The following GABRG3 variants were observed in gnomAD, a reference collection of about 807,000 sequenced individuals.
The protein encoded by GABRG3 is gamma-aminobutyric acid receptor subunit gamma-3.
In GABRG3, 25 loss-of-function variants were observed where a neutral mutation model predicts 48.8. The ratio of observed to expected loss-of-function variants is 0.51; its 90% CI spans 0.37 to 0.72. The LOEUF (loss-of-function observed/expected upper bound fraction) is 0.72. Among genes scored for constraint, GABRG3 ranks in the 30% least tolerant of loss-of-function variants. GABRG3 has a pLI of 0.00. For missense variants in GABRG3, 394 were observed against 577.9 expected (o/e 0.68, Z 3.26); for synonymous variants, 227 against 217.6 (o/e 1.04, Z -0.38).
chr15:27,031,061 C>G (rs1405423085), intron 3 of GABRG3, among the ~76,000 whole-genome samples: 1 of 99,976 alleles, frequency 1.0e-5, no homozygotes, highest in Non-Finnish European at 2.1e-5. Context: ...TACACACACA[C>G]AGACACACAC....
At chr15:27,166,124 A>AGAC (rs2140407322) in intron 3 of GABRG3, among the ~76,000 whole-genome samples, 1 of 152,338 alleles carries the variant, frequency 6.6e-6, no homozygotes, top group Admixed American at 6.5e-5. Context: ...TAACAGGGAC[A>AGAC]GACACACCTT....
At chr15:27,149,807 C>T (rs1898277117) in intron 3 of GABRG3, among the ~76,000 whole-genome samples, 2 of 152,284 alleles carry the variant, frequency 1.3e-5, no homozygotes, top group South Asian at 4.1e-4. Context: ...AGTCTGGCTT[C>T]CCTCTAGGCT....
rs1428931335 is a variant in GABRG3 at position 27,027,086 on chromosome 15, C to T, written c.270+265C>T. ...TTATAGTGTTTCTTAGGAAAGGATT[C>T]GAGATCACTCAGATTATACTTTTGT... On this transcript the variant is annotated intron_variant, in intron 3 of 9. Transcript: ENST00000615808. 20 of 338,284 alleles carry T rather than the reference C, an allele frequency of 5.9e-5. No individual in the cohort carries two copies. In the South Asian group the frequency reaches 1.5e-3, roughly 25 times the overall value. 21.0% of individuals were successfully genotyped at this position (338,284 alleles called of 1,614,324 possible).
chr15:27,024,647 A>G (rs1895952547), intron 2 of GABRG3, among the ~76,000 whole-genome samples: 1 of 152,210 alleles, frequency 6.6e-6, no homozygotes. Flanking sequence ...ATAAACCTTC[A>G]GCTGCCTGTG....
intron 5 of GABRG3, among the ~76,000 whole-genome samples, chr15:27,386,957 T>C (rs923133083): frequency 1.3e-5 from 2 of 152,228 alleles, no homozygotes; most frequent in African/African-American, 4.8e-5. Flanking sequence ...ACAATTTAAA[T>C]AACTTTCCAT....
intron 5 of GABRG3, among the ~76,000 whole-genome samples, chr15:27,386,677 G>A (rs1035232606): frequency 6.6e-6 from 1 of 152,178 alleles, no homozygotes; most frequent in Non-Finnish European, 1.5e-5. Flanking sequence ...ATGTTATGGA[G>A]CTTGAATTGG....
intron 6 of GABRG3, among the ~76,000 whole-genome samples, chr15:27,486,040 G>A (rs1003159918): frequency 2.6e-5 from 4 of 152,112 alleles, no homozygotes; most frequent in African/African-American, 9.7e-5. Context: ...AATGCGCAGC[G>A]TTTTTTTCTT....
chr15:27,401,955 C>T (rs1488442233), intron 5 of GABRG3, among the ~76,000 whole-genome samples: 1 of 152,096 alleles, frequency 6.6e-6, no homozygotes, highest in African/African-American at 2.4e-5. Flanking sequence ...GCCACAAGCC[C>T]AAACACTGAG....
rs150996980 is a variant in GABRG3 at position 27,066,646 on chromosome 15, C to T, written c.270+39825C>T. ...CCTCTTAGTCTGAGAGCAGGTATTA[C>T]AGAATGTGTGGGCTGACCACAGAGA... is the stretch of plus-strand genomic sequence containing the variant. On this transcript the variant is annotated intron_variant, in intron 3 of 9. Coordinates refer to ENST00000615808, the MANE Select transcript of GABRG3 (RefSeq NM_033223.5). 4.5e-3 allele frequency among the ~76,000 whole-genome samples: 682 copies of T among 152,086 alleles called. 6 individuals are homozygous for T. Among genetic ancestry groups the T allele is most frequent in the African/African-American group, 0.016 (645 of 41,438 alleles).
intron 2 of GABRG3, among the ~76,000 whole-genome samples, chr15:27,002,739 T>A (rs183817235): frequency 1.9e-4 from 7 of 37,542 alleles, no homozygotes; most frequent in Non-Finnish European, 3.6e-4. Flanking sequence ...TGAGACCGTG[T>A]CTCTCAAAAA....
chr15:27,073,097 T>C (rs1474765902), intron 3 of GABRG3, among the ~76,000 whole-genome samples: 1 of 152,222 alleles, frequency 6.6e-6, no homozygotes, highest in Admixed American at 6.5e-5. Context: ...TGACTTGATG[T>C]GTCCAGGGAT....
At position 27,047,870 on chromosome 15, in the gene GABRG3, A is replaced by T. The variant is rs535540266; in HGVS notation, c.270+21049A>T. Among the ~76,000 whole-genome samples, 134 of 152,322 alleles carry T rather than the reference A, an allele frequency of 8.8e-4. 2 individuals are homozygous for T. The South Asian group carries it at 0.027, about 30-fold the overall frequency. On this transcript the variant is annotated intron_variant, in intron 3 of 9. Coordinates refer to ENST00000615808, the MANE Select transcript of GABRG3 (RefSeq NM_033223.5). ...AATTGTGCACTTTATCTTTATTTGG[A>T]TCTATTAAGTTTTAACTGGTGGTCA...
At chr15:27,264,597 A>G (rs932910925) in intron 3 of GABRG3, among the ~76,000 whole-genome samples, 25 of 137,996 alleles carry the variant, frequency 1.8e-4, no homozygotes, top group African/African-American at 6.6e-4. Flanking sequence ...AAATTTATAA[A>G]AAACCCTCAA....
chr15:27,481,473 T>G (rs1595783903), intron 6 of GABRG3: 2 of 159,048 alleles, frequency 1.3e-5, no homozygotes, highest in Non-Finnish European at 1.3e-5. Flanking sequence ...CAGATGGGGG[T>G]AGAGTCAGCT....
In GABRG3 at chr15:26,976,424, C is replaced by T. The variant is rs117924324; in HGVS notation, c.54-578C>T. Among the ~76,000 whole-genome samples the T allele has an allele frequency of 0.023, 3,435 of 152,360 alleles. 59 individuals are homozygous for T. The highest frequency in any genetic ancestry group is 0.034 in the Non-Finnish European group (2,327 of 68,034). The stretch of plus-strand genomic sequence containing the variant: ...ACCAGTCATCAGCGAACATCGCTGT[C>T]CTTGCCTCCAATCTGAGTGCCGGCA... On this transcript the variant is annotated intron_variant, in intron 1 of 9. Coordinates refer to ENST00000615808, the MANE Select transcript of GABRG3 (RefSeq NM_033223.5). This position sits in a 1 kb window ranked among gnomAD's most constrained non-coding sequence, Gnocchi z 7.8.
At chr15:27,051,141 C>T (rs1896449567) in intron 3 of GABRG3, among the ~76,000 whole-genome samples, 2 of 152,142 alleles carry the variant, frequency 1.3e-5, no homozygotes, top group African/African-American at 4.8e-5. Flanking sequence ...GCCTTAAATT[C>T]TATAGACTTT....
chr15:27,172,093 A>T (rs1449535863), intron 3 of GABRG3, among the ~76,000 whole-genome samples: 2 of 152,184 alleles, frequency 1.3e-5, no homozygotes, highest in African/African-American at 4.8e-5. Context: ...TTGCCTGATA[A>T]CCTCTTAAAA....
chr15:27,481,429 C>A, intron 6 of GABRG3: 1 of 258,722 alleles, frequency 3.9e-6, no homozygotes, highest in Non-Finnish European at 6.0e-6. Flanking sequence ...TCCACTATTT[C>A]ACAACTGATT....
rs536939359 is a variant in GABRG3, at chr15:27,343,217, G to A, written c.574+14329G>A. On this transcript the variant is annotated intron_variant, in intron 5 of 9. Transcript: ENST00000615808. ...GAGCCAGCACCTCCCCCACGTGGCA[G>A]CTCTAGCAGGGCGAGACTGTCTTGG... 1.8e-4 allele frequency among the ~76,000 whole-genome samples: 27 copies of A among 152,268 alleles called. No individual in the cohort carries two copies. In the East Asian group the frequency reaches 5.2e-3, roughly 29 times the overall value.
Sources: gnomAD v4.1 joint callset for allele counts (sites outside exome capture counted in the v4.1 genomes callset) on GRCh38, gnomAD v4.1.1 for gene constraint, Gnocchi (gnomAD v3.1) non-coding constraint, MANE v1.5 for transcripts, NCBI Gene and HGNC (gene_info 2026-07-23, HGNC 2026-07-21) for gene names.